Variants in CDH13 observed in about 807,000 individuals in gnomAD.
The protein encoded by CDH13 is cadherin-13.
In CDH13, 24 loss-of-function variants were observed where a neutral mutation model predicts 63.8. That is an observed-to-expected ratio of 0.38 (90% CI 0.27 to 0.53). CDH13 has a LOEUF of 0.53. Among genes scored for constraint, CDH13 ranks in the 20% least tolerant of loss-of-function variants. CDH13 has a pLI of 0.85. For missense variants in CDH13, 1,049 were observed against 903.1 expected (o/e 1.16, Z -2.07); for synonymous variants, 503 against 355.3 (o/e 1.42, Z -4.67).
intron 10 of CDH13, among the ~76,000 whole-genome samples, chr16:83,699,596 C>G (rs1905902761): frequency 6.6e-6 from 1 of 152,174 alleles, no homozygotes; most frequent in Non-Finnish European, 1.5e-5. Flanking sequence ...CCATGTCGCC[C>G]TTCTCCCCAG....
At chr16:83,683,945 AGAT>A (rs2150879800) in intron 10 of CDH13, among the ~76,000 whole-genome samples, 1 of 152,326 alleles carries the variant, frequency 6.6e-6, no homozygotes, top group Non-Finnish European at 1.5e-5. Context: ...TCTCCAGGTG[AGAT>A]GATGATAAGA....
At chr16:83,588,264 G>T (rs1278536696) in intron 7 of CDH13, among the ~76,000 whole-genome samples, 1 of 152,212 alleles carries the variant, frequency 6.6e-6, no homozygotes, top group Non-Finnish European at 1.5e-5. Context: ...TCTAGAGACT[G>T]ATTCAGCCTG....
At chr16:82,828,535 G>T (rs762493122) in intron 1 of CDH13, among the ~76,000 whole-genome samples, 5 of 152,126 alleles carry the variant, frequency 3.3e-5, no homozygotes, top group Non-Finnish European at 7.3e-5. Flanking sequence ...GCTGAGGCAT[G>T]AGAATTGCTT....
At chr16:82,810,493 T>A (rs927494293) in intron 1 of CDH13, among the ~76,000 whole-genome samples, 15 of 152,170 alleles carry the variant, frequency 9.9e-5, no homozygotes, top group African/African-American at 3.6e-4. Flanking sequence ...CATTAGTAAG[T>A]TCCACTTTGG....
intron 2 of CDH13, among the ~76,000 whole-genome samples, chr16:83,030,845 C>G (rs1165137284): frequency 6.6e-6 from 1 of 151,842 alleles, no homozygotes; most frequent in Non-Finnish European, 1.5e-5. Context: ...CTCATTTCCA[C>G]CCTTCCCTTC....
At chr16:83,254,819 G>C in intron 5 of CDH13, among the ~76,000 whole-genome samples, 1 of 152,076 alleles carries the variant, frequency 6.6e-6, no homozygotes. Context: ...ACTGATTCCT[G>C]TACCAAGCCT....
chr16:82,846,538 A>C (rs1179273479), intron 1 of CDH13, among the ~76,000 whole-genome samples: 26 of 152,172 alleles, frequency 1.7e-4, no homozygotes, highest in Non-Finnish European at 1.5e-5. Flanking sequence ...AGAGAATTTA[A>C]GTAACTTGCT....
intron 2 of CDH13, among the ~76,000 whole-genome samples, chr16:82,955,432 C>T (rs1442718647): frequency 6.6e-6 from 1 of 152,180 alleles, no homozygotes; most frequent in Non-Finnish European, 1.5e-5. Flanking sequence ...AATACTTTAG[C>T]TTCATAATTA....
intron 1 of CDH13, among the ~76,000 whole-genome samples, chr16:82,735,673 A>G (rs1432522218): frequency 6.6e-6 from 1 of 152,206 alleles, no homozygotes; most frequent in East Asian, 1.9e-4. Flanking sequence ...GAAGGTTTAA[A>G]TGGATTCCAG....
intron 6 of CDH13, among the ~76,000 whole-genome samples, chr16:83,432,536 G>A (rs2072152611): frequency 6.6e-6 from 1 of 152,180 alleles, no homozygotes; most frequent in Admixed American, 6.5e-5. Context: ...CCTCACCACA[G>A]CTGCTGTAAA....
chr16:83,467,410 C>T (rs2073343761), intron 6 of CDH13, among the ~76,000 whole-genome samples: 1 of 152,118 alleles, frequency 6.6e-6, no homozygotes, highest in African/African-American at 2.4e-5. Context: ...CTTCCCCAGC[C>T]ACTTTGCTGC....
At chr16:82,906,392 G>A (rs558425380) in intron 2 of CDH13, among the ~76,000 whole-genome samples, 43 of 152,200 alleles carry the variant, frequency 2.8e-4, no homozygotes, top group African/African-American at 8.2e-4. Context: ...TCAAAGCTCC[G>A]GCAATTTGTG....
At chr16:82,984,311 C>A (rs1910665495) in intron 2 of CDH13, among the ~76,000 whole-genome samples, 1 of 152,172 alleles carries the variant, frequency 6.6e-6, no homozygotes, top group East Asian at 1.9e-4. Context: ...GCTATGTCTT[C>A]ACATGGGAAA....
intron 7 of CDH13, among the ~76,000 whole-genome samples, chr16:83,534,939 T>G (rs2075155097): frequency 1.3e-5 from 2 of 152,258 alleles, no homozygotes; most frequent in Admixed American, 6.5e-5. Context: ...CTAGGACAAT[T>G]TTATAGGACA....
intron 6 of CDH13, among the ~76,000 whole-genome samples, chr16:83,347,469 T>G (rs749152076): frequency 1.5e-4 from 23 of 152,106 alleles, no homozygotes; most frequent in Non-Finnish European, 2.6e-4. Context: ...TGCCTTCAAA[T>G]CATATGCTCT....
chr16:83,514,610 A>T (rs1444417242), intron 7 of CDH13, among the ~76,000 whole-genome samples: 2 of 152,128 alleles, frequency 1.3e-5, no homozygotes, highest in Admixed American at 1.3e-4. Context: ...ATACCACTGC[A>T]CTCCGGCCTG....
chr16:83,014,371 C>T (rs1031364513), intron 2 of CDH13, among the ~76,000 whole-genome samples: 25 of 146,544 alleles, frequency 1.7e-4, no homozygotes, highest in African/African-American at 5.6e-4. Context: ...TTTTAACTGA[C>T]GTTTCATTTG....
chr16:83,337,934 A>G (rs1016501423), intron 5 of CDH13, among the ~76,000 whole-genome samples: 4 of 151,988 alleles, frequency 2.6e-5, no homozygotes, highest in Admixed American at 6.6e-5. Context: ...TAATGAAACA[A>G]AAAAAATGTA....
chr16:82,882,086 C>T (rs1174080010), intron 2 of CDH13, among the ~76,000 whole-genome samples: 1 of 152,046 alleles, frequency 6.6e-6, no homozygotes, highest in Non-Finnish European at 1.5e-5. Context: ...CAGTCTGATT[C>T]ACATCAGAGC....
Sources: gnomAD v4.1 joint callset for allele counts (sites outside exome capture counted in the v4.1 genomes callset) on GRCh38, gnomAD v4.1.1 for gene constraint, MANE v1.5 for transcripts, NCBI Gene and HGNC (gene_info 2026-07-23, HGNC 2026-07-21) for gene names.